LRRC37A: variants seen among roughly 807,000 people sequenced by gnomAD.
The protein encoded by LRRC37A is leucine rich repeat containing 37A, also known as leucine-rich repeat-containing protein 37A.
A neutral mutation model predicts 35.4 loss-of-function variants in LRRC37A; 3 were observed. The observed-to-expected ratio is 0.08, with a 90% confidence interval of 0.04 to 0.22. The LOEUF (loss-of-function observed/expected upper bound fraction) is 0.22. Ranked by LOEUF, LRRC37A falls within the 10% of genes least tolerant of loss-of-function variation. The probability of loss-of-function intolerance (pLI) is 1.00; values close to 1 mark genes in which losing one functional copy is unlikely to be tolerated. For missense variants in LRRC37A, 67 were observed against 565.3 expected, an observed-to-expected ratio of 0.12 and a Z score of 8.94; for synonymous variants, 23 against 215.0, an observed-to-expected ratio of 0.11 and a Z score of 7.81.
chr17:46,261,226 T>A, the LRRC37A span, among the ~76,000 whole-genome samples: 56 of 151,730 alleles, frequency 3.7e-4, no homozygotes, highest in Non-Finnish European at 6.5e-4. Context: ...AATTTTTTTT[T>A]AGAAAAAGAG....
the LRRC37A span, among the ~76,000 whole-genome samples, chr17:46,257,633 G>A: frequency 2.7e-5 from 4 of 150,068 alleles, no homozygotes; most frequent in African/African-American, 9.8e-5. Context: ...GGACAACAAA[G>A]CAAGACTTTG....
the LRRC37A span, among the ~76,000 whole-genome samples, chr17:46,270,804 G>T: frequency 6.6e-6 from 1 of 152,222 alleles, no homozygotes; most frequent in East Asian, 1.9e-4. Context: ...CTATTGGGGG[G>T]CAGGAGGATC....
At chr17:46,323,527 G>C (rs2051515924) in intron 7 of LRRC37A, among the ~76,000 whole-genome samples, 2 of 91,746 alleles carry the variant, frequency 2.2e-5, no homozygotes, top group Admixed American at 2.2e-4. Flanking sequence ...CTTCCGAGTA[G>C]CTGGGATTAC....
At chr17:46,265,115 G>T in the LRRC37A span, among the ~76,000 whole-genome samples, 1 of 152,174 alleles carries the variant, frequency 6.6e-6, no homozygotes, top group Admixed American at 6.5e-5. Flanking sequence ...TGGCTGTAGA[G>T]GTTTGCTCTT....
At chr17:46,259,019 A>ATTTTTTTTTTTTTTT in the LRRC37A span, among the ~76,000 whole-genome samples, 65 of 79,438 alleles carry the variant, frequency 8.2e-4, no homozygotes, top group South Asian at 1.3e-3. Flanking sequence ...CACCCGGCCT[A>ATTTTTTTTTTTTTTT]TTTTTTTTTT....
At chr17:46,257,973 G>T in the LRRC37A span, among the ~76,000 whole-genome samples, 63 of 152,296 alleles carry the variant, frequency 4.1e-4, 1 homozygote, top group Non-Finnish European at 1.9e-4. Flanking sequence ...GTGGCCTGGG[G>T]CTGCACTCTT....
chr17:46,258,707 C>CTTGTTTTTTTT, the LRRC37A span, among the ~76,000 whole-genome samples: 6 of 81,122 alleles, frequency 7.4e-5, no homozygotes, highest in Non-Finnish European at 1.2e-4. Flanking sequence ...GACTATTATT[C>CTTGTTTTTTTT]TTTTTTTTTT....
the LRRC37A span, among the ~76,000 whole-genome samples, chr17:46,254,399 T>TTATTTATTTATTTATCTATC: frequency 2.6e-5 from 3 of 116,044 alleles, no homozygotes; most frequent in African/African-American, 6.5e-5. Flanking sequence ...TTTATTGTAT[T>TTATTTATTTATTTATCTATC]TATTTATTTA....
chr17:46,279,504 T>TTC, the LRRC37A span, among the ~76,000 whole-genome samples: 7 of 110,242 alleles, frequency 6.3e-5, no homozygotes, highest in African/African-American at 1.2e-4. Flanking sequence ...TTCTTTCTTT[T>TTC]TTTTTTTTTT....
the LRRC37A span, among the ~76,000 whole-genome samples, chr17:46,270,388 G>A: frequency 1.3e-5 from 2 of 152,224 alleles, no homozygotes; most frequent in African/African-American, 4.8e-5. Context: ...GAGGTTCTGA[G>A]TGTTCTATGG....
At chr17:46,265,811 T>A in the LRRC37A span, among the ~76,000 whole-genome samples, 1 of 152,192 alleles carries the variant, frequency 6.6e-6, no homozygotes, top group African/African-American at 2.4e-5. Context: ...TAATTAGACC[T>A]CTGTGCCGGC....
chr17:46,266,375 A>G, the LRRC37A span, among the ~76,000 whole-genome samples: 1 of 152,176 alleles, frequency 6.6e-6, no homozygotes, highest in Non-Finnish European at 1.5e-5. Context: ...CCTCGCCCGC[A>G]GATCACAGGA....
the LRRC37A span, among the ~76,000 whole-genome samples, chr17:46,272,846 A>C: frequency 6.6e-6 from 1 of 152,276 alleles, no homozygotes; most frequent in South Asian, 2.1e-4. Flanking sequence ...AATACACATG[A>C]AATTAATATC....
At chr17:46,262,022 T>G in the LRRC37A span, among the ~76,000 whole-genome samples, 9 of 152,216 alleles carry the variant, frequency 5.9e-5, no homozygotes, top group Non-Finnish European at 7.3e-5. Flanking sequence ...CCACCTGAGC[T>G]CACTGTAAAC....
chr17:46,252,642 T>C, the LRRC37A span, among the ~76,000 whole-genome samples: 19 of 149,770 alleles, frequency 1.3e-4, no homozygotes, highest in African/African-American at 2.9e-4. Context: ...TTAATCCATT[T>C]AACCCTGAGT....
At chr17:46,275,261 A>G in the LRRC37A span, 1 of 507,388 alleles carries the variant, frequency 2.0e-6, no homozygotes, top group Middle Eastern at 6.5e-4. Context: ...GACCAATAAA[A>G]ACAAAGTTTA....
At chr17:46,258,707 C>CTTTTTTTTTT in the LRRC37A span, among the ~76,000 whole-genome samples, 4 of 81,128 alleles carry the variant, frequency 4.9e-5, no homozygotes, top group Admixed American at 1.5e-4. Flanking sequence ...GACTATTATT[C>CTTTTTTTTTT]TTTTTTTTTT....
At chr17:46,271,351 T>G in the LRRC37A span, among the ~76,000 whole-genome samples, 19 of 146,358 alleles carry the variant, frequency 1.3e-4, no homozygotes, top group Admixed American at 2.1e-4. Flanking sequence ...TTTTTTTTTT[T>G]TTGTATTTTT....
At chr17:46,265,581 C>A in the LRRC37A span, among the ~76,000 whole-genome samples, 1 of 150,204 alleles carries the variant, frequency 6.7e-6, no homozygotes, top group Non-Finnish European at 1.5e-5. Flanking sequence ...TAGGCTCAAG[C>A]GATCCTCCCA....
Sources: allele counts gnomAD v4.1 joint callset (sites outside exome capture counted in the v4.1 genomes callset), GRCh38; gene constraint gnomAD v4.1.1; transcripts MANE v1.5; gene names NCBI Gene and HGNC (gene_info 2026-07-23, HGNC 2026-07-21).